Variants in FRMD4B observed in about 807,000 individuals in gnomAD.
FRMD4B encodes the protein FERM domain-containing protein 4B.
FRMD4B carries 74 observed loss-of-function variants against 141.5 expected under a neutral mutation model. The ratio of observed to expected loss-of-function variants is 0.52; its 90% CI spans 0.43 to 0.63. FRMD4B has a LOEUF of 0.63. Ranked by LOEUF, FRMD4B falls within the 30% of genes least tolerant of loss-of-function variation. The pLI, the probability that FRMD4B is intolerant of heterozygous loss-of-function variation, is 0.00. For synonymous variants in FRMD4B, 506 were observed against 467.9 expected, an observed-to-expected ratio of 1.08 and a Z score of -1.05; for missense variants, 1,366 against 1,253.4, an observed-to-expected ratio of 1.09 and a Z score of -1.36.
chr3:69,423,375 C>T (rs964649259), intron 2 of FRMD4B, among the ~76,000 whole-genome samples: 4 of 130,792 alleles, frequency 3.1e-5, no homozygotes, highest in Non-Finnish European at 4.9e-5. Flanking sequence ...AAATTTGAGT[C>T]ACCCAATGCT....
chr3:69,227,302 A>G (rs939259051), intron 7 of FRMD4B, among the ~76,000 whole-genome samples: 3 of 152,166 alleles, frequency 2.0e-5, no homozygotes, highest in Non-Finnish European at 2.9e-5. Flanking sequence ...ACTGAGAAGC[A>G]ACTAAAATGT....
intron 5 of FRMD4B, among the ~76,000 whole-genome samples, chr3:69,260,813 C>T (rs977118799): frequency 6.6e-6 from 1 of 152,214 alleles, no homozygotes; most frequent in African/African-American, 2.4e-5. Context: ...TGTAAATGCA[C>T]CAGTCAGTGC....
intron 19 of FRMD4B, among the ~76,000 whole-genome samples, chr3:69,184,334 G>A (rs2092742688): frequency 6.6e-6 from 1 of 152,294 alleles, no homozygotes; most frequent in South Asian, 2.1e-4. Context: ...CAAAACATGA[G>A]ATTTACTATA....
intron 1 of FRMD4B, among the ~76,000 whole-genome samples, chr3:69,500,227 A>G (rs1328274283): frequency 5.9e-5 from 9 of 152,242 alleles, no homozygotes; most frequent in African/African-American, 2.2e-4. Flanking sequence ...CAAGAGACTA[A>G]GGTCAGGCAT....
intron 2 of FRMD4B, among the ~76,000 whole-genome samples, chr3:69,412,994 A>T (rs1203054232): frequency 6.6e-6 from 1 of 151,808 alleles, no homozygotes; most frequent in African/African-American, 2.4e-5. Flanking sequence ...CTGAGTTATC[A>T]TGGTTTCCTC....
intron 2 of FRMD4B, among the ~76,000 whole-genome samples, chr3:69,395,895 A>G (rs76321924): frequency 8.5e-5 from 13 of 152,328 alleles, no homozygotes; most frequent in African/African-American, 3.1e-4. Context: ...TCTTGAGTCA[A>G]TAACAGAGAA....
intron 1 of FRMD4B, among the ~76,000 whole-genome samples, chr3:69,349,506 G>A (rs553763394): frequency 2.8e-4 from 42 of 152,214 alleles, no homozygotes; most frequent in African/African-American, 7.2e-4. Context: ...AAAAGAGCCC[G>A]CATTGCCAAG....
At chr3:69,510,677 A>C (rs1486639732) in intron 1 of FRMD4B, among the ~76,000 whole-genome samples, 1 of 152,218 alleles carries the variant, frequency 6.6e-6, no homozygotes, top group Admixed American at 6.5e-5. Context: ...TGATGACCAC[A>C]GCAGGCAGGC....
At chr3:69,481,876 C>T (rs1209637737) in intron 1 of FRMD4B, among the ~76,000 whole-genome samples, 2 of 152,138 alleles carry the variant, frequency 1.3e-5, no homozygotes, top group Non-Finnish European at 2.9e-5. Context: ...ACAGTGGCTC[C>T]TACAGCAACC....
At chr3:69,187,546 A>AT (rs1553696384) in intron 19 of FRMD4B, among the ~76,000 whole-genome samples, 11 of 138,436 alleles carry the variant, frequency 7.9e-5, no homozygotes, top group Non-Finnish European at 1.6e-4. Flanking sequence ...ACCTCAAAAA[A>AT]AAAAAAATAT....
intron 7 of FRMD4B, among the ~76,000 whole-genome samples, chr3:69,233,280 G>C (rs548415190): frequency 6.6e-6 from 1 of 151,866 alleles, no homozygotes; most frequent in South Asian, 2.1e-4. Flanking sequence ...CCAGGAGTTC[G>C]AGACCAGCCT....
rs1465000041 is a variant in FRMD4B at position 69,239,782 on chromosome 3, C to A, written c.581+9444G>T. Among the ~76,000 whole-genome samples, 4 of 151,886 alleles carry A rather than the reference C, an allele frequency of 2.6e-5. No homozygotes were observed. The South Asian group carries it at 6.2e-4, about 24-fold the overall frequency. On this transcript the variant is annotated intron_variant, in intron 7 of 22. Transcript: ENST00000398540. ...GCCGTACAACATAAACACGTCCAGG[C>A]GTGGTGGCTCACGCCTGTAATCCCA...
rs769310349 is a variant in FRMD4B, at chr3:69,287,765, G to T, written c.488C>A (p.Ala163Asp). ...CGGGGCACCTACCTTGTGCACACAG[G>T]CCTTTGCATTCAGGAAAAACAGCTC... ...TVELFFLNAKACVHKGQIEVE... is the reference protein window; with the variant it reads ...TVELFFLNAKDCVHKGQIEVE... The change falls in exon 5 of 23, where the codon GCC (alanine) becomes GAC (aspartate). Residue 163 changes from alanine to aspartate, a missense_variant. Coordinates refer to ENST00000398540, the MANE Select transcript of FRMD4B (RefSeq NM_015123.3). 9 of 1,586,214 alleles carry T rather than the reference G, an allele frequency of 5.7e-6. No homozygotes were observed. The highest frequency in any genetic ancestry group is 7.8e-6 in the Non-Finnish European group (9 of 1,155,700).
At chr3:69,266,227 G>A (rs944075766) in intron 5 of FRMD4B, among the ~76,000 whole-genome samples, 3 of 151,920 alleles carry the variant, frequency 2.0e-5, no homozygotes, top group Non-Finnish European at 2.9e-5. Flanking sequence ...AAGCTCAAAA[G>A]TGGTGAGGAC....
At chr3:69,222,882 C>A (rs2093210702) in intron 8 of FRMD4B, among the ~76,000 whole-genome samples, 1 of 152,222 alleles carries the variant, frequency 6.6e-6, no homozygotes. Context: ...ATAATGATAT[C>A]AAATGTTAGC....
intron 2 of FRMD4B, among the ~76,000 whole-genome samples, chr3:69,413,584 C>A (rs1234606695): frequency 2.0e-5 from 3 of 152,202 alleles, no homozygotes; most frequent in Non-Finnish European, 4.4e-5. Flanking sequence ...ACCAGGCTCC[C>A]TCAAATGTCA....
intron 2 of FRMD4B, among the ~76,000 whole-genome samples, chr3:69,395,793 T>C (rs2106736578): frequency 6.6e-6 from 1 of 152,292 alleles, no homozygotes; most frequent in South Asian, 2.1e-4. Flanking sequence ...TGTTACACAG[T>C]GGAGAAAATA....
intron 17 of FRMD4B, among the ~76,000 whole-genome samples, 176 bp downstream of exon 17, chr3:69,193,472 C>T (rs2092862987): frequency 6.6e-6 from 1 of 152,208 alleles, no homozygotes; most frequent in African/African-American, 2.4e-5. Context: ...TGCCCCATTG[C>T]ACTCCAGCCT....
At position 69,265,269 on chromosome 3, in the gene FRMD4B, A is replaced by T. The variant is rs866756809; in HGVS notation, c.502-15170T>A. Among the ~76,000 whole-genome samples, 93 of 23,410 alleles carry T rather than the reference A, an allele frequency of 4.0e-3. 1 individual carries two copies. Among genetic ancestry groups the T allele is most frequent in the South Asian group, 7.3e-3 (3 of 412 alleles). 15.4% of individuals were successfully genotyped at this position (23,410 alleles called of 152,430 possible). A position where few individuals can be genotyped will look rare whatever the true frequency, so the allele number is the denominator to read the frequency against. On this transcript the variant is annotated intron_variant, in intron 5 of 22. Coordinates refer to ENST00000398540, the MANE Select transcript of FRMD4B (RefSeq NM_015123.3). ...GACTCCATCTCAAAAAAAAAAAAAA[A>T]ATATATATATATATATATATATATA...
Sources: allele counts gnomAD v4.1 joint callset (sites outside exome capture counted in the v4.1 genomes callset), GRCh38; gene constraint gnomAD v4.1.1; transcripts MANE v1.5; gene names NCBI Gene and HGNC (gene_info 2026-07-23, HGNC 2026-07-21).